Variants in TRDN observed in about 807,000 individuals in gnomAD.
The protein encoded by TRDN is triadin.
Under a neutral mutation model 149.7 loss-of-function variants are expected in TRDN, and 161 were observed. The observed-to-expected ratio is 1.08, with a 90% CI of 0.95 to 1.23. TRDN has a LOEUF of 1.23. Ranked by LOEUF, TRDN falls within the 50% of genes most tolerant of loss-of-function variation. The pLI is 0.00. For missense variants in TRDN, 896 were observed against 823.5 expected (o/e 1.09, Z -1.08); for synonymous variants, 294 against 250.5 (o/e 1.17, Z -1.64).
At chr6:123,314,243 A>G (rs1386094758) in intron 24 of TRDN, among the ~76,000 whole-genome samples, 1 of 152,024 alleles carries the variant, frequency 6.6e-6, no homozygotes, top group Non-Finnish European at 1.5e-5. Context: ...TAAGCATATG[A>G]AAAAAAGGCT....
At chr6:123,493,095 G>T (rs1232350779) in intron 9 of TRDN, among the ~76,000 whole-genome samples, 1 of 152,066 alleles carries the variant, frequency 6.6e-6, no homozygotes, top group Non-Finnish European at 1.5e-5. Flanking sequence ...GATCTTCGGT[G>T]TTCATAATAT....
intron 9 of TRDN, among the ~76,000 whole-genome samples, chr6:123,473,199 A>T (rs1777276692): frequency 6.6e-6 from 1 of 152,116 alleles, no homozygotes; most frequent in Non-Finnish European, 1.5e-5. Context: ...ACTTTGAAAA[A>T]AATTTAGAAG....
chr6:123,264,003 G>A (rs752585519), intron 33 of TRDN, among the ~76,000 whole-genome samples: 5 of 152,020 alleles, frequency 3.3e-5, no homozygotes, highest in Non-Finnish European at 7.4e-5. Context: ...AATGCACCTG[G>A]TCACTCAAGA....
chr6:123,312,674 T>A (rs1778869567), intron 24 of TRDN, among the ~76,000 whole-genome samples: 1 of 151,974 alleles, frequency 6.6e-6, no homozygotes, highest in South Asian at 2.1e-4. Flanking sequence ...CAACTGTATA[T>A]TCCTGAATTT....
chr6:123,547,514 A>G (rs1377483593), intron 3 of TRDN, 142 bp from the exon 4 acceptor site: 2 of 464,636 alleles, frequency 4.3e-6, no homozygotes, highest in Non-Finnish European at 7.4e-6. Context: ...TGCTTCCCAA[A>G]TTCCAGTTTT....
At position 123,218,736 on chromosome 6, in the gene TRDN, G is replaced by A. The variant is rs1245900283; in HGVS notation, c.2055C>T (p.Pro685=). ...AGTAGACACACTGGAAGAAACTGAT[G>A]GGACCTAAGGAACAGAGCATGACAG... is the stretch of plus-strand genomic sequence containing the variant. ...EDVSPTKQKS[P]ISFFQCVYLD... Residue 685 remains proline, a synonymous_variant, in exon 41 of 41, where the codon CCC becomes CCT. Transcript: ENST00000334268. 2 of 1,567,504 alleles carry A rather than the reference G, an allele frequency of 1.3e-6. No homozygotes were observed. Among genetic ancestry groups the A allele is most frequent in the Admixed American group, 1.9e-5 (1 of 52,210 alleles).
chr6:123,283,985 C>CATATATATATATATATATATATAAATAT (rs57419103), intron 24 of TRDN, among the ~76,000 whole-genome samples: 1 of 57,220 alleles, frequency 1.7e-5, no homozygotes, highest in Non-Finnish European at 3.0e-5. Context: ...CAACATGGCA[C>CATATATATATATATATATATATAAATAT]ATATATATAT....
At chr6:123,306,678 T>C (rs891018344) in intron 24 of TRDN, among the ~76,000 whole-genome samples, 2 of 152,092 alleles carry the variant, frequency 1.3e-5, no homozygotes, top group Non-Finnish European at 2.9e-5. Context: ...CTAAACTTTC[T>C]CGAAAAACAA....
chr6:123,356,437 T>C (rs1780674935), intron 20 of TRDN, among the ~76,000 whole-genome samples: 1 of 148,832 alleles, frequency 6.7e-6, no homozygotes, highest in Middle Eastern at 3.5e-3. Context: ...TTATCTTTCA[T>C]ACGTACTAGC....
chr6:123,585,269 T>C (rs1385566623), intron 1 of TRDN, among the ~76,000 whole-genome samples: 1 of 151,906 alleles, frequency 6.6e-6, no homozygotes, highest in East Asian at 1.9e-4. Flanking sequence ...CTCGGCCTAA[T>C]AGGGAACTGG....
At chr6:123,458,795 GT>G (rs1205807143) in intron 10 of TRDN, among the ~76,000 whole-genome samples, 2 of 151,874 alleles carry the variant, frequency 1.3e-5, no homozygotes, top group African/African-American at 4.8e-5. Context: ...GTATGACAGT[GT>G]TTTTGAGATC....
At chr6:123,461,718 A>G (rs756885045) in intron 10 of TRDN, among the ~76,000 whole-genome samples, 2 of 152,188 alleles carry the variant, frequency 1.3e-5, no homozygotes, top group African/African-American at 2.4e-5. Context: ...ACCGCTGAGG[A>G]TTCTGAGAAA....
At chr6:123,224,741 C>A (rs1397940008) in intron 38 of TRDN, among the ~76,000 whole-genome samples, 2 of 151,648 alleles carry the variant, frequency 1.3e-5, no homozygotes, top group African/African-American at 4.8e-5. Flanking sequence ...TATCTTCCAC[C>A]ACCCCAAAAT....
At chr6:123,301,754 T>TATATATATATACATATATATATATATAC (rs1554221683) in intron 24 of TRDN, among the ~76,000 whole-genome samples, 7 of 66,256 alleles carry the variant, frequency 1.1e-4, no homozygotes, top group Non-Finnish European at 1.2e-4. Context: ...TATATATACA[T>TATATATATATACATATATATATATATAC]ATATATATAT....
intron 9 of TRDN, among the ~76,000 whole-genome samples, chr6:123,478,087 A>C (rs1777583394): frequency 6.6e-6 from 1 of 150,462 alleles, no homozygotes; most frequent in Non-Finnish European, 1.5e-5. Flanking sequence ...TGTTCACCAA[A>C]AAAAAAAAAA....
At chr6:123,265,204 G>A (rs982849685) in intron 33 of TRDN, 114 bp downstream of exon 33, 6 of 759,418 alleles carry the variant, frequency 7.9e-6, no homozygotes, top group Admixed American at 3.8e-5. Context: ...TAGTATAATG[G>A]CTATTACATT....
intron 10 of TRDN, among the ~76,000 whole-genome samples, chr6:123,451,369 A>C (rs1451725386): frequency 1.3e-5 from 2 of 152,150 alleles, no homozygotes; most frequent in Admixed American, 1.3e-4. Context: ...TTAACCAAGA[A>C]GAGAAGAGAG....
intron 12 of TRDN, among the ~76,000 whole-genome samples, chr6:123,398,642 C>G (rs1248224384): frequency 2.0e-5 from 3 of 152,160 alleles, no homozygotes; most frequent in Non-Finnish European, 4.4e-5. Flanking sequence ...CTTGAAAGCT[C>G]TAGGCTAAGC....
At chr6:123,449,946 G>C (rs1466006259) in intron 10 of TRDN, among the ~76,000 whole-genome samples, 5 of 152,100 alleles carry the variant, frequency 3.3e-5, no homozygotes, top group African/African-American at 1.2e-4. Flanking sequence ...CATCAGCCAA[G>C]AATTTTGTAT....
Sources: gnomAD v4.1 joint callset for allele counts (sites outside exome capture counted in the v4.1 genomes callset) on GRCh38, gnomAD v4.1.1 for gene constraint, MANE v1.5 for transcripts, NCBI Gene and HGNC (gene_info 2026-07-23, HGNC 2026-07-21) for gene names.